LGR6: variants seen among roughly 807,000 people sequenced by gnomAD.
The protein encoded by LGR6 is leucine rich repeat containing G protein-coupled receptor 6.
LGR6 carries 45 observed loss-of-function variants against 69.4 expected under a neutral mutation model. That is an observed-to-expected ratio of 0.65 (90% confidence interval 0.51 to 0.83). LGR6 has a LOEUF of 0.83. Ranked by LOEUF, LGR6 falls within the 40% of genes least tolerant of loss-of-function variation. The pLI, the probability that LGR6 is intolerant of heterozygous loss-of-function variation, is 0.00. For missense variants in LGR6, 1,108 were observed against 1,246.7 expected, an observed-to-expected ratio of 0.89 and a Z score of 1.68; for synonymous variants, 538 against 555.0, an observed-to-expected ratio of 0.97 and a Z score of 0.43.
At chr1:202,248,315 G>T (rs369416574) in intron 4 of LGR6, among the ~76,000 whole-genome samples, 1 of 152,208 alleles carries the variant, frequency 6.6e-6, no homozygotes, top group South Asian at 2.1e-4. Flanking sequence ...CAGTGGCAGC[G>T]CTGCAGCTAG....
At chr1:202,227,038 C>G (rs1037263207) in intron 2 of LGR6, among the ~76,000 whole-genome samples, 2 of 152,164 alleles carry the variant, frequency 1.3e-5, no homozygotes, top group Non-Finnish European at 2.9e-5. Flanking sequence ...GAGGCTCCAC[C>G]TAAAGGACCT....
chr1:202,298,607 C>T (rs918197137), intron 7 of LGR6: 5 of 152,206 alleles, frequency 3.3e-5, no homozygotes, highest in African/African-American at 1.2e-4. Context: ...CTGCAACCTC[C>T]ACCTCACAGG....
intron 6 of LGR6, among the ~76,000 whole-genome samples, chr1:202,293,478 TG>T (rs1321074596): frequency 6.6e-6 from 1 of 152,202 alleles, no homozygotes; most frequent in Non-Finnish European, 1.5e-5. Flanking sequence ...TTCATTATCT[TG>T]TGCATTTGTC....
intron 1 of LGR6, among the ~76,000 whole-genome samples, chr1:202,212,102 A>C (rs983898623): frequency 1.3e-5 from 2 of 152,092 alleles, no homozygotes; most frequent in Non-Finnish European, 2.9e-5. Flanking sequence ...AGTTGGGAGT[A>C]TCATGGCTAC....
intron 6 of LGR6, 107 bp from the exon 7 acceptor site, chr1:202,297,401 A>G (rs1667239468): frequency 2.4e-6 from 2 of 837,818 alleles, no homozygotes; most frequent in Non-Finnish European, 3.9e-6. Flanking sequence ...AACAGATTGG[A>G]AAACCCATCT....
rs927688989 is a variant in LGR6 at position 202,195,108 on chromosome 1, A to G, written c.212+907A>G. ...CCCAGCCCCGCTCTGGGGCAAGGAA[A>G]CCTCCTCCAGCCCAGCTCTGCAGGC... On this transcript the variant is annotated intron_variant, in intron 1 of 17. Transcript: ENST00000367278. Among the ~76,000 whole-genome samples, 9 of 151,948 alleles carry G rather than the reference A, an allele frequency of 5.9e-5. 1 individual carries two copies. Among genetic ancestry groups the G allele is most frequent in the African/African-American group, 1.9e-4 (8 of 41,356 alleles).
At chr1:202,199,320 C>A (rs1482580601) in intron 1 of LGR6, among the ~76,000 whole-genome samples, 3 of 152,130 alleles carry the variant, frequency 2.0e-5, no homozygotes, top group African/African-American at 7.2e-5. Context: ...CTCTCCTGTG[C>A]CAGCCTTGCT....
rs535802981 is a variant in LGR6, at chr1:202,268,049, G to A, written c.429-8257G>A. ...GTTCTCCAGGAGAGAGGCTGGGAGG[G>A]GTGTCAGTCCGCGGGAAGGCAGAAG... is the stretch of plus-strand genomic sequence containing the variant. On this transcript the variant is annotated intron_variant, in intron 4 of 17. Transcript: ENST00000367278. This position sits in a 1 kb window ranked among gnomAD's most constrained non-coding sequence, Gnocchi z 4.4. Among the ~76,000 whole-genome samples the A allele has an allele frequency of 3.3e-5, 5 of 152,260 alleles. No homozygotes were observed. In the East Asian group the frequency reaches 9.7e-4, roughly 29 times the overall value.
At chr1:202,283,578 G>A (rs1464678024) in intron 6 of LGR6, among the ~76,000 whole-genome samples, 1 of 152,170 alleles carries the variant, frequency 6.6e-6, no homozygotes, top group Non-Finnish European at 1.5e-5. Flanking sequence ...GGTTTGGCTG[G>A]AGCTGTGGTT....
In LGR6 at chr1:202,307,366, C is replaced by T. The variant is rs896551; in HGVS notation, c.1245C>T (p.Pro415=). The T allele has an allele frequency of 0.52, 844,305 of 1,613,404 alleles. 225,767 individuals are homozygous for T. The highest frequency in any genetic ancestry group is 0.7 in the East Asian group (31,439 of 44,838). Residue 415 remains proline, a synonymous_variant, in exon 14 of 18, where the codon CCC becomes CCT. Transcript: ENST00000367278. ...GGAACGCCATCCGGTCCATCCACCC[C>T]GAGGCCTTCTCCACCCTGCACTCCC... is the stretch of plus-strand genomic sequence containing the variant. The part of the protein sequence containing the change: ...LSWNAIRSIH[P]EAFSTLHSLV...
At chr1:202,195,768 G>C (rs1264773371) in intron 1 of LGR6, among the ~76,000 whole-genome samples, 4 of 152,214 alleles carry the variant, frequency 2.6e-5, no homozygotes. Context: ...TGAGCTGAAG[G>C]AAGGTCCCTT....
intron 17 of LGR6, 70 bp downstream of exon 17, chr1:202,314,952 A>G (rs1365219425): frequency 1.8e-6 from 2 of 1,134,018 alleles, no homozygotes; most frequent in Non-Finnish European, 2.7e-6. Context: ...TAGTTGAGGT[A>G]TTAGTTCAGC....
intron 13 of LGR6, 41 bp downstream of exon 13, chr1:202,306,980 C>T (rs756631937): frequency 1.3e-5 from 20 of 1,532,034 alleles, no homozygotes; most frequent in East Asian, 4.5e-5. Flanking sequence ...GAGGAGCCAC[C>T]GTGTCCCTCT....
At chr1:202,254,586 G>A (rs1663597794) in intron 4 of LGR6, among the ~76,000 whole-genome samples, 1 of 152,218 alleles carries the variant, frequency 6.6e-6, no homozygotes, top group African/African-American at 2.4e-5. Flanking sequence ...GTGCTGATGT[G>A]CCTGCCTTCA....
At chr1:202,229,540 C>T (rs770467619) in intron 3 of LGR6, among the ~76,000 whole-genome samples, 8 of 152,246 alleles carry the variant, frequency 5.3e-5, no homozygotes, top group African/African-American at 9.6e-5. Context: ...GTAAGACTCA[C>T]GTCCCATTCC....
intron 6 of LGR6, among the ~76,000 whole-genome samples, chr1:202,295,060 G>T (rs1455571223): frequency 1.3e-5 from 2 of 152,134 alleles, no homozygotes; most frequent in Non-Finnish European, 2.9e-5. Flanking sequence ...GGGCACGGTG[G>T]CTCATGCCTG....
intron 12 of LGR6, 88 bp from the exon 13 acceptor site, chr1:202,306,780 C>A: frequency 8.2e-7 from 1 of 1,213,982 alleles, no homozygotes. Context: ...GTGGGGGGCT[C>A]TACTTTCTTC....
chr1:202,292,267 G>A (rs749197386), intron 6 of LGR6, among the ~76,000 whole-genome samples: 10 of 152,264 alleles, frequency 6.6e-5, no homozygotes, highest in South Asian at 2.1e-4. Flanking sequence ...AGATCTTTCC[G>A]GCAGATGTGT....
At chr1:202,314,771 G>A (rs368862828) in intron 16 of LGR6, 31 bp from the exon 17 acceptor site, 10 of 1,550,274 alleles carry the variant, frequency 6.5e-6, no homozygotes, top group Non-Finnish European at 8.9e-6. Flanking sequence ...CCAAGACCCA[G>A]GACCCTGCAT....
Sources: gnomAD v4.1 joint callset for allele counts (sites outside exome capture counted in the v4.1 genomes callset) on GRCh38, gnomAD v4.1.1 for gene constraint, Gnocchi (gnomAD v3.1) non-coding constraint, MANE v1.5 for transcripts, NCBI Gene and HGNC (gene_info 2026-07-23, HGNC 2026-07-21) for gene names.